The following DOCK7 variants were observed in gnomAD, a reference collection of about 807,000 sequenced individuals.
DOCK7 encodes dedicator of cytokinesis protein 7.
In DOCK7, 138 loss-of-function variants were observed where a neutral mutation model predicts 271.0. That is an observed-to-expected ratio of 0.51 (90% CI 0.44 to 0.59). DOCK7 has a LOEUF of 0.59. Among genes scored for constraint, DOCK7 ranks in the 20% least tolerant of loss-of-function variants. DOCK7 has a pLI of 0.00. For synonymous variants in DOCK7, 823 were observed against 876.1 expected (o/e 0.94, Z 1.07); for missense variants, 2,066 against 2,592.4 (o/e 0.80, Z 4.41).
chr1:62,508,037 G>A lies in DOCK7; in HGVS notation c.4401C>T (p.His1467=), dbSNP rs775069403. The A allele has an allele frequency of 9.9e-6, 16 of 1,611,326 alleles. No homozygotes were observed. The highest frequency in any genetic ancestry group is 1.6e-4 in the Middle Eastern group (1 of 6,070). Residue 1467 remains histidine, a synonymous_variant, in exon 35 of 50, where the codon CAC becomes CAT. Coordinates refer to ENST00000635253, the MANE Select transcript of DOCK7 (RefSeq NM_001367561.1). ...CCAGGTTTCCATCAATCAGTGCTTCGTGTTCAATCTCTGCTCTTGATCTAA... is the reference window on the plus strand; with the variant it reads ...CCAGGTTTCCATCAATCAGTGCTTCATGTTCAATCTCTGCTCTTGATCTAA... ...KLDKSRAEIE[H]EALIDGNLAT...
Position 62,598,728 on chromosome 1 carries a change from A to T in DOCK7, c.1683-12104T>A, listed in dbSNP as rs79797079. 88 of 1,611,276 alleles carry T rather than the reference A, an allele frequency of 5.5e-5. No homozygotes were observed. In the East Asian group the frequency reaches 2.0e-3, roughly 36 times the overall value. On this transcript the variant is annotated intron_variant, in intron 14 of 49. Coordinates refer to ENST00000635253, the MANE Select transcript of DOCK7 (RefSeq NM_001367561.1). ...TAGAAAAACAAGATAATAGCATCAA[A>T]GACCTTCTCCAGACCGTGGAAGACC...
intron 12 of DOCK7, among the ~76,000 whole-genome samples, chr1:62,620,329 AT>A (rs774234263): frequency 3.1e-4 from 47 of 151,742 alleles, no homozygotes; most frequent in African/African-American, 1.0e-3. Context: ...ATAAAAATAA[AT>A]AAATAAATAA....
intron 1 of DOCK7, among the ~76,000 whole-genome samples, chr1:62,665,569 T>C (rs1030930530): frequency 1.3e-5 from 2 of 150,896 alleles, no homozygotes; most frequent in Non-Finnish European, 3.0e-5. Context: ...CCAGGCGTGG[T>C]GGTGCCTTGG....
chr1:62,535,652 A>G lies in DOCK7; in HGVS notation c.3472-20T>C. 4.3e-6 allele frequency: 7 copies of G among 1,610,506 alleles called. No individual in the cohort carries two copies. The highest frequency in any genetic ancestry group is 5.9e-6 in the Non-Finnish European group (7 of 1,178,184). Reference sequence around the variant, plus strand: ...AGAACTCTGTTGGAAAGTGAGGCAGAACAAGACTATAACAGCAGTGCAACA... The same window carrying G: ...AGAACTCTGTTGGAAAGTGAGGCAGGACAAGACTATAACAGCAGTGCAACA... On this transcript the variant is annotated intron_variant, in intron 28 of 49. Coordinates refer to ENST00000635253, the MANE Select transcript of DOCK7 (RefSeq NM_001367561.1).
At chr1:62,660,070 A>C (rs1432433883) in intron 2 of DOCK7, among the ~76,000 whole-genome samples, 25 of 152,206 alleles carry the variant, frequency 1.6e-4, no homozygotes, top group Non-Finnish European at 2.9e-5. Context: ...CAACCAATAG[A>C]TCTAACTGAC....
At chr1:62,626,436 C>G (rs911467559) in intron 11 of DOCK7, among the ~76,000 whole-genome samples, 10 of 151,106 alleles carry the variant, frequency 6.6e-5, no homozygotes, top group African/African-American at 2.4e-4. Flanking sequence ...ATCAATTAAA[C>G]CAAAAACTGT....
chr1:62,615,411 T>C (rs1476113942), intron 14 of DOCK7, among the ~76,000 whole-genome samples: 1 of 151,872 alleles, frequency 6.6e-6, no homozygotes, highest in African/African-American at 2.4e-5. Context: ...TAGGATCATT[T>C]CCATAAACTA....
chr1:62,551,816 T>A (rs1645915855), intron 22 of DOCK7, among the ~76,000 whole-genome samples: 1 of 151,190 alleles, frequency 6.6e-6, no homozygotes, highest in South Asian at 2.1e-4. Context: ...TTATATATAT[T>A]TTAAAAATCA....
intron 14 of DOCK7, among the ~76,000 whole-genome samples, chr1:62,599,346 T>C (rs1442895971): frequency 6.6e-6 from 1 of 152,028 alleles, no homozygotes. Flanking sequence ...TGGAACGCTC[T>C]TCTGCCCTGG....
chr1:62,619,894 A>G lies in DOCK7; in HGVS notation c.1519+6T>C. Reference sequence around the variant, plus strand: ...GCAACCATTTCTACTCAAAATTTTTAAATACCTGTAATAGGTCTTAGTCGC... The same window carrying G: ...GCAACCATTTCTACTCAAAATTTTTGAATACCTGTAATAGGTCTTAGTCGC... On this transcript the variant is annotated splice_donor_region_variant and intron_variant, in intron 13 of 49. Transcript: ENST00000635253. 6.3e-7 allele frequency: 1 copy of G among 1,597,198 alleles called. No individual in the cohort carries two copies. Among genetic ancestry groups the G allele is most frequent in the Non-Finnish European group, 8.6e-7 (1 of 1,169,090 alleles).
chr1:62,646,169 CA>C (rs199557710), intron 7 of DOCK7, among the ~76,000 whole-genome samples: 21 of 133,076 alleles, frequency 1.6e-4, no homozygotes, highest in African/African-American at 2.7e-4. Flanking sequence ...AAAAAAAAAA[CA>C]AAAAAAAAAC....
At chr1:62,626,199 A>C (rs924194152) in intron 11 of DOCK7, among the ~76,000 whole-genome samples, 5 of 152,176 alleles carry the variant, frequency 3.3e-5, no homozygotes, top group Non-Finnish European at 5.9e-5. Context: ...ATGAAAATGC[A>C]AGAACAACAT....
chr1:62,600,998 T>C (rs572357542), intron 14 of DOCK7: 6 of 814,728 alleles, frequency 7.4e-6, no homozygotes, highest in African/African-American at 1.7e-5. Context: ...AAAGACAAAC[T>C]GTACTTCTGA....
intron 35 of DOCK7, among the ~76,000 whole-genome samples, chr1:62,506,051 A>C (rs575844483): frequency 2.8e-4 from 43 of 152,286 alleles, no homozygotes; most frequent in African/African-American, 1.0e-3. Context: ...AACAGGAGTA[A>C]GATACAATGG....
chr1:62,601,196 G>A (rs1398815249), intron 14 of DOCK7: 11 of 1,578,316 alleles, frequency 7.0e-6, no homozygotes, highest in Non-Finnish European at 9.6e-6. Context: ...AAAACATGAT[G>A]GTAAGACACT....
At chr1:62,553,374 T>A (rs1402586718) in intron 21 of DOCK7, among the ~76,000 whole-genome samples, 55 of 6,572 alleles carry the variant, frequency 8.4e-3, no homozygotes, top group African/African-American at 7.5e-3. Context: ...TTTTTTTTTT[T>A]TTTTTTTTTT....
intron 1 of DOCK7, among the ~76,000 whole-genome samples, chr1:62,665,376 C>T (rs553462514): frequency 2.0e-5 from 3 of 152,090 alleles, no homozygotes; most frequent in Admixed American, 6.5e-5. Context: ...ATCCTCTCAT[C>T]GAAGCTGAGA....
At position 62,478,097 on chromosome 1, in the gene DOCK7, A is replaced by G. The variant is rs1259788222; in HGVS notation, c.5509-272T>C. 3 of 310,614 alleles carry G rather than the reference A, an allele frequency of 9.7e-6. No homozygotes were observed. The Admixed American group carries it at 1.4e-4, about 14-fold the overall frequency. 19.2% of individuals were successfully genotyped at this position (310,614 alleles called of 1,614,324 possible). A position where few individuals can be genotyped will look rare whatever the true frequency, so the allele number is the denominator to read the frequency against. ...AGTTTGTACGAAGTGCCTCTATCAC[A>G]TTGGTCTATGTTTTTTAAATCTATA... On this transcript the variant is annotated intron_variant, in intron 43 of 49. Coordinates refer to ENST00000635253, the MANE Select transcript of DOCK7 (RefSeq NM_001367561.1).
intron 8 of DOCK7, among the ~76,000 whole-genome samples, chr1:62,635,870 C>T (rs1025278940): frequency 6.6e-6 from 1 of 152,036 alleles, no homozygotes; most frequent in Non-Finnish European, 1.5e-5. Context: ...CCACTTTGGC[C>T]TGCCAAAGTG....
Sources: allele counts gnomAD v4.1 joint callset (sites outside exome capture counted in the v4.1 genomes callset), GRCh38; gene constraint gnomAD v4.1.1; transcripts MANE v1.5; gene names NCBI Gene and HGNC (gene_info 2026-07-23, HGNC 2026-07-21).